LRRC69: variants seen among roughly 807,000 people sequenced by gnomAD.
The protein encoded by LRRC69 is leucine-rich repeat-containing protein 69.
LRRC69 carries 42 observed loss-of-function variants against 37.8 expected under a neutral mutation model. The observed-to-expected ratio is 1.11, with a 90% CI of 0.87 to 1.44. The LOEUF (loss-of-function observed/expected upper bound fraction) is 1.44, where lower values mean the gene tolerates loss of function less well. LRRC69 is among the 40% of genes most tolerant of loss of function. The pLI is 0.00. For synonymous variants in LRRC69, 141 were observed against 143.1 expected (o/e 0.99, Z 0.11); for missense variants, 357 against 401.9 (o/e 0.89, Z 0.96).
intron 5 of LRRC69, among the ~76,000 whole-genome samples, chr8:91,176,220 C>T (rs1191481687): frequency 2.0e-5 from 3 of 150,002 alleles, no homozygotes; most frequent in South Asian, 2.1e-4. Flanking sequence ...CTACAACCTC[C>T]GCCTCCTGGG....
At chr8:91,123,683 TTAAACC>T (rs1461918758) in intron 1 of LRRC69, among the ~76,000 whole-genome samples, 1 of 152,018 alleles carries the variant, frequency 6.6e-6, no homozygotes, top group African/African-American at 2.4e-5. Flanking sequence ...CAATTGGTAA[TTAAACC>T]TGAATAGTAA....
intron 5 of LRRC69, chr8:91,138,860 G>A (rs1808472090): frequency 6.6e-6 from 1 of 151,620 alleles, no homozygotes; most frequent in African/African-American, 2.4e-5. Flanking sequence ...TTCAAGATCA[G>A]CCTGGACAAC....
At chr8:91,176,142 T>TC (rs1809224654) in intron 5 of LRRC69, among the ~76,000 whole-genome samples, 1 of 113,776 alleles carries the variant, frequency 8.8e-6, no homozygotes, top group Admixed American at 8.2e-5. Context: ...ATATTTTTTT[T>TC]TTTTCTTTTT....
chr8:91,125,189 A>T (rs1030094137), intron 2 of LRRC69, among the ~76,000 whole-genome samples: 1 of 151,906 alleles, frequency 6.6e-6, no homozygotes, highest in South Asian at 2.1e-4. Context: ...AAAGAGATCT[A>T]CATGGCTTTT....
intron 5 of LRRC69, among the ~76,000 whole-genome samples, chr8:91,152,092 G>C (rs1808749744): frequency 6.6e-6 from 1 of 151,608 alleles, no homozygotes; most frequent in Non-Finnish European, 1.5e-5. Context: ...TAGGTTGCCT[G>C]TTCGCTCTGG....
rs578073728 is a variant in LRRC69, at chr8:91,197,189, G to A, written c.754-3424G>A. On this transcript the variant is annotated intron_variant, in intron 6 of 7. Coordinates refer to ENST00000448384, the Ensembl canonical transcript of LRRC69. The stretch of plus-strand genomic sequence containing the variant: ...GGTCAGGGACCCACTTGAGGAGGCA[G>A]TCCGCCCATTCTCAGATCTCCAGCC... 5.3e-5 allele frequency among the ~76,000 whole-genome samples: 8 copies of A among 152,320 alleles called. No individual in the cohort carries two copies. In the South Asian group the frequency reaches 1.7e-3, roughly 32 times the overall value.
chr8:91,185,365 G>A (rs1337725908), intron 5 of LRRC69, among the ~76,000 whole-genome samples: 1 of 150,778 alleles, frequency 6.6e-6, no homozygotes, highest in African/African-American at 2.4e-5. Flanking sequence ...CTCTCTATCT[G>A]TGTGTGTGTG....
chr8:91,193,062 A>C (rs1347419149), intron 6 of LRRC69, among the ~76,000 whole-genome samples: 1 of 148,532 alleles, frequency 6.7e-6, no homozygotes, highest in East Asian at 2.0e-4. Flanking sequence ...AGCTTTCTAC[A>C]TATGGCTAGC....
At chr8:91,171,326 C>T (rs1809127389) in intron 5 of LRRC69, among the ~76,000 whole-genome samples, 1 of 151,730 alleles carries the variant, frequency 6.6e-6, no homozygotes, top group Admixed American at 6.6e-5. Context: ...TTTATATTGT[C>T]AGAGTTGAGC....
chr8:91,208,690 C>T (rs1345208616), intron 7 of LRRC69, among the ~76,000 whole-genome samples: 1 of 152,142 alleles, frequency 6.6e-6, no homozygotes, highest in African/African-American at 2.4e-5. Flanking sequence ...CCTTCCCTTC[C>T]TTTCTGCCTA....
At chr8:91,108,884 A>G (rs1277617752) in intron 1 of LRRC69, among the ~76,000 whole-genome samples, 1 of 151,928 alleles carries the variant, frequency 6.6e-6, no homozygotes, top group African/African-American at 2.4e-5. Context: ...GAGGAAAGGA[A>G]TGACCATGAG....
intron 3 of LRRC69, chr8:91,130,310 A>C (rs1178024563): frequency 6.6e-6 from 1 of 151,728 alleles, no homozygotes; most frequent in Admixed American, 6.6e-5. Flanking sequence ...GTCTGGCCCT[A>C]CTCACCCAGG....
chr8:91,176,985 C>T (rs185222595), intron 5 of LRRC69, among the ~76,000 whole-genome samples: 1 of 151,794 alleles, frequency 6.6e-6, no homozygotes, highest in Admixed American at 6.6e-5. Flanking sequence ...ATTATATGTT[C>T]TGTTTAATTT....
chr8:91,166,530 G>C (rs1041866282), intron 5 of LRRC69, among the ~76,000 whole-genome samples: 4 of 137,614 alleles, frequency 2.9e-5, no homozygotes, highest in Non-Finnish European at 6.1e-5. Flanking sequence ...ATGAATACCT[G>C]AAAATCCTAA....
intron 1 of LRRC69, among the ~76,000 whole-genome samples, chr8:91,108,218 C>T (rs1813353429): frequency 6.6e-6 from 1 of 152,008 alleles, no homozygotes; most frequent in Non-Finnish European, 1.5e-5. Context: ...AGTTTATAAA[C>T]TTACTAATTG....
Position 91,105,181 on chromosome 8 carries a change from G to A in LRRC69, c.183+2337G>A, listed in dbSNP as rs1813288174. ...TTTAAAAGTCAGATTCAGGCCAATG[G>A]TATTATGTTTAGCTGTTCATGAACT... On this transcript the variant is annotated intron_variant, in intron 1 of 7. Coordinates refer to ENST00000448384, the Ensembl canonical transcript of LRRC69. Among the ~76,000 whole-genome samples, 2 of 151,766 alleles carry A rather than the reference G, an allele frequency of 1.3e-5. 1 individual carries two copies. The highest frequency in any genetic ancestry group is 4.2e-4 in the South Asian group (2 of 4,818).
chr8:91,104,289 C>T (rs561298326), intron 1 of LRRC69, among the ~76,000 whole-genome samples: 2 of 151,940 alleles, frequency 1.3e-5, no homozygotes, highest in African/African-American at 2.4e-5. Flanking sequence ...TCCTCTCCCC[C>T]CTCACAAACT....
At chr8:91,158,551 A>G in intron 5 of LRRC69, 1 of 1,188,804 alleles carries the variant, frequency 8.4e-7, no homozygotes, top group South Asian at 1.2e-5. Flanking sequence ...GTACATTTTC[A>G]CGGCCATAGC....
At chr8:91,112,044 A>T (rs919045712) in intron 1 of LRRC69, among the ~76,000 whole-genome samples, 3 of 152,066 alleles carry the variant, frequency 2.0e-5, no homozygotes, top group Non-Finnish European at 4.4e-5. Context: ...AAAATCTGTT[A>T]TAATTATTGG....
Sources: allele counts gnomAD v4.1 joint callset (sites outside exome capture counted in the v4.1 genomes callset), GRCh38; gene constraint gnomAD v4.1.1; transcripts MANE v1.5; gene names NCBI Gene and HGNC (gene_info 2026-07-23, HGNC 2026-07-21).